Variants in HTR2C observed in about 807,000 individuals in gnomAD.
HTR2C encodes the protein 5-hydroxytryptamine receptor 2C, also known as 5-hydroxytryptamine (serotonin) receptor 2C, G protein-coupled.
HTR2C carries 5 observed loss-of-function variants against 21.0 expected under a neutral mutation model. The ratio of observed to expected loss-of-function variants is 0.24; its 90% CI spans 0.12 to 0.50. The LOEUF is 0.50. Among genes scored for constraint, HTR2C ranks in the 20% least tolerant of loss-of-function variants. The probability of loss-of-function intolerance (pLI) is 0.98; values close to 1 mark genes in which losing one functional copy is unlikely to be tolerated. For missense variants in HTR2C, 271 were observed against 371.2 expected, an observed-to-expected ratio of 0.73 and a Z score of 2.22; for synonymous variants, 150 against 145.3, an observed-to-expected ratio of 1.03 and a Z score of -0.23.
At chrX:114,861,742 G>A (rs188291753) in intron 5 of HTR2C, among the ~76,000 whole-genome samples, 22 of 110,717 alleles carry the variant, frequency 2.0e-4, no homozygotes, top group South Asian at 3.8e-4. Flanking sequence ...TTGATGTTGC[G>A]CACCTCTACA....
chrX:114,722,847 G>T (rs1242879429), intron 2 of HTR2C, among the ~76,000 whole-genome samples: 1 of 108,001 alleles, frequency 9.3e-6, no homozygotes, highest in Non-Finnish European at 1.9e-5. Flanking sequence ...AACCAGCCTT[G>T]CATCCCAGGG....
chrX:114,776,868 T>G (rs1324772344), intron 4 of HTR2C: 1 of 157,263 alleles, frequency 6.4e-6, no homozygotes, highest in African/African-American at 3.2e-5. Context: ...ATTTACTTCT[T>G]GAAAGGGAAA....
chrX:114,616,662 G>A (rs968670767), intron 2 of HTR2C, among the ~76,000 whole-genome samples: 20 of 111,841 alleles, frequency 1.8e-4, no homozygotes, highest in South Asian at 3.7e-4. Context: ...AATACCTTCC[G>A]TAAAGCCTTA....
intron 2 of HTR2C, among the ~76,000 whole-genome samples, chrX:114,690,238 C>G (rs1474559927): frequency 1.8e-5 from 2 of 111,527 alleles, no homozygotes; most frequent in Non-Finnish European, 3.8e-5. Flanking sequence ...TGGTTAAGAA[C>G]TTCCAGCTTG....
intron 1 of HTR2C, among the ~76,000 whole-genome samples, chrX:114,585,003 G>T (rs931530544): frequency 7.4e-5 from 8 of 108,516 alleles, no homozygotes; most frequent in Non-Finnish European, 1.5e-4. Flanking sequence ...CAAGAAGTGA[G>T]GAGTGGGAGG....
intron 2 of HTR2C, among the ~76,000 whole-genome samples, chrX:114,626,968 ATTAAACG>A (rs1324667871): frequency 8.9e-6 from 1 of 111,797 alleles, no homozygotes; most frequent in Non-Finnish European, 1.9e-5. Context: ...CTCTGACTTC[ATTAAACG>A]TTATGATATC....
chrX:114,793,009 T>C lies in HTR2C; in HGVS notation c.350-54994T>C, dbSNP rs142964542. Reference sequence around the variant, plus strand: ...ATTTAAGTTCCTTTTAAATGCTAGATATTAGACATATGTCAGATGGGTAGA... The same window carrying C: ...ATTTAAGTTCCTTTTAAATGCTAGACATTAGACATATGTCAGATGGGTAGA... On this transcript the variant is annotated intron_variant, in intron 4 of 5. Coordinates refer to ENST00000276198, the MANE Select transcript of HTR2C (RefSeq NM_000868.4). 1.3e-3 allele frequency among the ~76,000 whole-genome samples: 149 copies of C among 112,122 alleles called. 1 individual carries two copies. The highest frequency in any genetic ancestry group is 4.7e-3 in the African/African-American group (146 of 30,922).
intron 4 of HTR2C, among the ~76,000 whole-genome samples, chrX:114,738,693 G>A (rs782058413): frequency 2.7e-5 from 3 of 110,386 alleles, no homozygotes; most frequent in Non-Finnish European, 5.7e-5. Flanking sequence ...ATGCATGCAG[G>A]GCTTAAAACC....
chrX:114,759,700 T>G (rs1054186474), intron 4 of HTR2C, among the ~76,000 whole-genome samples: 13 of 111,381 alleles, frequency 1.2e-4, no homozygotes, highest in African/African-American at 4.2e-4. Flanking sequence ...GAGTTGTTTT[T>G]TTGGATTTTA....
At chrX:114,718,137 C>T (rs782799212) in intron 2 of HTR2C, among the ~76,000 whole-genome samples, 7 of 111,430 alleles carry the variant, frequency 6.3e-5, no homozygotes, top group Non-Finnish European at 1.3e-4. Flanking sequence ...ATCCTCCCAC[C>T]TCAGTCCCCA....
chrX:114,594,176 T>C, intron 1 of HTR2C, among the ~76,000 whole-genome samples: 1 of 112,066 alleles, frequency 8.9e-6, no homozygotes, highest in Non-Finnish European at 1.9e-5. Flanking sequence ...AACTATTTGA[T>C]AGGACAGATA....
intron 4 of HTR2C, chrX:114,776,120 A>G (rs1556438686): frequency 4.0e-6 from 2 of 497,190 alleles, no homozygotes; most frequent in African/African-American, 4.7e-5. Flanking sequence ...TCCAGATTTG[A>G]CCTCAAAGAT....
At chrX:114,689,208 GTATA>G (rs58916694) in intron 2 of HTR2C, among the ~76,000 whole-genome samples, 30 of 72,718 alleles carry the variant, frequency 4.1e-4, no homozygotes, top group African/African-American at 9.2e-4. Flanking sequence ...GTATGTATGC[GTATA>G]TATATATATA....
At position 114,884,653 on chromosome X, in the gene HTR2C, A is replaced by G. The variant is rs1293528587; in HGVS notation, c.551-21936A>G. Among the ~76,000 whole-genome samples, 3 of 111,713 alleles carry G rather than the reference A, an allele frequency of 2.7e-5. No individual in the cohort carries two copies. In the East Asian group the frequency reaches 8.5e-4, roughly 31 times the overall value. On this transcript the variant is annotated intron_variant, in intron 5 of 5. Transcript: ENST00000276198. ...GCTATTACCAAAAATACAAAAGATA[A>G]CAAGTATTGCTGAGGATGTGGAGAA...
intron 5 of HTR2C, among the ~76,000 whole-genome samples, chrX:114,902,471 G>A (rs2071343576): frequency 9.0e-6 from 1 of 110,734 alleles, no homozygotes; most frequent in African/African-American, 3.3e-5. Context: ...AAAATATTTA[G>A]GAATAATTTT....
At chrX:114,696,960 A>G (rs1004557053) in intron 2 of HTR2C, among the ~76,000 whole-genome samples, 2 of 111,521 alleles carry the variant, frequency 1.8e-5, no homozygotes, top group Admixed American at 1.9e-4. Flanking sequence ...AACAGTTTAG[A>G]GCACAGGAGA....
At chrX:114,746,406 A>C (rs1192159746) in intron 4 of HTR2C, among the ~76,000 whole-genome samples, 1 of 111,984 alleles carries the variant, frequency 8.9e-6, no homozygotes, top group Non-Finnish European at 1.9e-5. Flanking sequence ...TAAAAGGGAT[A>C]ATACATTCTG....
At chrX:114,676,505 A>C (rs782306166) in intron 2 of HTR2C, among the ~76,000 whole-genome samples, 48 of 112,523 alleles carry the variant, frequency 4.3e-4, no homozygotes, top group African/African-American at 1.5e-3. Context: ...TGAGCTGCAA[A>C]GTGTTTCCAT....
intron 2 of HTR2C, among the ~76,000 whole-genome samples, chrX:114,684,041 T>A (rs986799759): frequency 1.1e-4 from 12 of 112,064 alleles, no homozygotes. Flanking sequence ...TGAAAGTATA[T>A]TTAATTAATA....
Sources: allele counts gnomAD v4.1 joint callset (sites outside exome capture counted in the v4.1 genomes callset), GRCh38; gene constraint gnomAD v4.1.1; transcripts MANE v1.5; gene names NCBI Gene and HGNC (gene_info 2026-07-23, HGNC 2026-07-21).